The following TPD52L1 variants were observed in gnomAD, a reference collection of about 807,000 sequenced individuals.
The protein encoded by TPD52L1 is tumor protein D53.
Under a neutral mutation model 28.7 loss-of-function variants are expected in TPD52L1, and 18 were observed. The ratio of observed to expected loss-of-function variants is 0.63; its 90% CI spans 0.43 to 0.93. TPD52L1 has a LOEUF of 0.93. Among genes scored for constraint, TPD52L1 ranks in the 40% least tolerant of loss-of-function variants. The probability of loss-of-function intolerance (pLI) is 0.00; values close to 1 mark genes in which losing one functional copy is unlikely to be tolerated. For missense variants in TPD52L1, 203 were observed against 254.8 expected (o/e 0.80, Z 1.39); for synonymous variants, 75 against 88.8 (o/e 0.84, Z 0.88).
chr6:125,196,971 C>T (rs780027117), intron 1 of TPD52L1, among the ~76,000 whole-genome samples: 1 of 152,222 alleles, frequency 6.6e-6, no homozygotes, highest in Non-Finnish European at 1.5e-5. Flanking sequence ...GACATCTGGC[C>T]GGATCTGTGC....
intron 1 of TPD52L1, among the ~76,000 whole-genome samples, chr6:125,208,472 T>C (rs1292832806): frequency 6.6e-6 from 1 of 151,886 alleles, no homozygotes; most frequent in East Asian, 1.9e-4. Flanking sequence ...CAGAAGGGAT[T>C]GGTGGAGGAG....
intron 1 of TPD52L1, among the ~76,000 whole-genome samples, chr6:125,189,715 C>T (rs1363041374): frequency 6.6e-6 from 1 of 152,074 alleles, no homozygotes; most frequent in Non-Finnish European, 1.5e-5. Flanking sequence ...TTTCCATGAG[C>T]CTCCTTTCAC....
chr6:125,159,338 AACCACT>A (rs1431585688), intron 1 of TPD52L1, among the ~76,000 whole-genome samples: 4 of 152,218 alleles, frequency 2.6e-5, no homozygotes, highest in African/African-American at 9.6e-5. Flanking sequence ...CATCTCAAGA[AACCACT>A]CTTTGCTCAT....
chr6:125,161,668 G>C (rs2114741075), intron 1 of TPD52L1, among the ~76,000 whole-genome samples: 1 of 152,322 alleles, frequency 6.6e-6, no homozygotes, highest in South Asian at 2.1e-4. Flanking sequence ...GGCTGGTGGA[G>C]CAGTCAGAAC....
At chr6:125,239,137 A>AT (rs893503822) in intron 3 of TPD52L1, among the ~76,000 whole-genome samples, 11 of 151,788 alleles carry the variant, frequency 7.2e-5, no homozygotes, top group Non-Finnish European at 1.2e-4. Context: ...GCCAATGTCT[A>AT]TTTTTTTTAA....
Position 125,194,314 on chromosome 6 carries a change from G to C in TPD52L1, c.20-25764G>C, listed in dbSNP as rs566556701. On this transcript the variant is annotated intron_variant, in intron 1 of 6. Coordinates refer to ENST00000534000, the MANE Select transcript of TPD52L1 (RefSeq NM_003287.4). ...AGCATTACTGAGCTTTCTGTTTAAA[G>C]GTTAAGGCCGTTTATAACTCAACAA... Among the ~76,000 whole-genome samples the C allele has an allele frequency of 9.9e-5, 15 of 152,190 alleles. No individual in the cohort carries two copies. The South Asian group carries it at 3.1e-3, about 32-fold the overall frequency.
At chr6:125,166,201 C>A (rs936275968) in intron 1 of TPD52L1, among the ~76,000 whole-genome samples, 1 of 152,182 alleles carries the variant, frequency 6.6e-6, no homozygotes, top group Admixed American at 6.5e-5. Flanking sequence ...GAGATCTCTT[C>A]AGATCTCTCA....
intron 2 of TPD52L1, 113 bp from the exon 3 acceptor site, chr6:125,229,005 G>A: frequency 9.1e-7 from 1 of 1,103,504 alleles, no homozygotes; most frequent in South Asian, 1.7e-5. Context: ...ACCTACACAT[G>A]GGATTGTATA....
Position 125,226,728 on chromosome 6 carries a change from C to A in TPD52L1, c.136-2390C>A, listed in dbSNP as rs3799742. Among the ~76,000 whole-genome samples, 8 of 150,084 alleles carry A rather than the reference C, an allele frequency of 5.3e-5. No individual in the cohort carries two copies. The East Asian group carries it at 9.8e-4, about 18-fold the overall frequency. ...TTCAGTCACTCTAAATGAAAGAAAG[C>A]AGAAATGGCCTTTTTAATAGAGAAT... is the stretch of plus-strand genomic sequence containing the variant. On this transcript the variant is annotated intron_variant, in intron 2 of 6. Coordinates refer to ENST00000534000, the MANE Select transcript of TPD52L1 (RefSeq NM_003287.4).
chr6:125,199,692 A>G (rs1211542284), intron 1 of TPD52L1, among the ~76,000 whole-genome samples: 1 of 152,258 alleles, frequency 6.6e-6, no homozygotes, highest in Admixed American at 6.5e-5. Flanking sequence ...TCTCAAAAAA[A>G]ATCAAAATAA....
At chr6:125,180,175 A>G (rs1274765033) in intron 1 of TPD52L1, among the ~76,000 whole-genome samples, 1 of 152,118 alleles carries the variant, frequency 6.6e-6, no homozygotes, top group Non-Finnish European at 1.5e-5. Flanking sequence ...CAAATGTCTC[A>G]CTTTCCCTCT....
intron 1 of TPD52L1, among the ~76,000 whole-genome samples, chr6:125,203,232 A>G (rs1282090357): frequency 6.6e-6 from 1 of 152,124 alleles, no homozygotes; most frequent in Non-Finnish European, 1.5e-5. Context: ...CTCATACACT[A>G]TGGGAGTTTG....
chr6:125,259,683 A>G (rs968585258), intron 6 of TPD52L1, among the ~76,000 whole-genome samples: 1 of 152,212 alleles, frequency 6.6e-6, no homozygotes, highest in Non-Finnish European at 1.5e-5. Flanking sequence ...TTTGATAAAT[A>G]CATTATATGG....
At chr6:125,210,666 T>TTC (rs1435773578) in intron 1 of TPD52L1, among the ~76,000 whole-genome samples, 5 of 152,260 alleles carry the variant, frequency 3.3e-5, no homozygotes, top group Non-Finnish European at 7.3e-5. Context: ...CTGTTCTTTC[T>TTC]TCTATAGGGC....
intron 1 of TPD52L1, among the ~76,000 whole-genome samples, chr6:125,198,111 A>T (rs1448733945): frequency 1.3e-5 from 2 of 152,080 alleles, no homozygotes; most frequent in Non-Finnish European, 2.9e-5. Context: ...GTGATCTTGA[A>T]CTCTGCTTTG....
intron 3 of TPD52L1, among the ~76,000 whole-genome samples, chr6:125,240,053 A>G (rs887947583): frequency 7.2e-5 from 11 of 152,030 alleles, no homozygotes; most frequent in African/African-American, 1.2e-4. Context: ...TGACTTTCCA[A>G]TTATCCCAGT....
At chr6:125,214,270 A>C (rs750033457) in intron 1 of TPD52L1, among the ~76,000 whole-genome samples, 25 of 152,160 alleles carry the variant, frequency 1.6e-4, no homozygotes, top group Non-Finnish European at 3.4e-4. Flanking sequence ...AGGAGGGTAG[A>C]GAGTGGGTCT....
chr6:125,180,893 T>G (rs1023531539), intron 1 of TPD52L1, among the ~76,000 whole-genome samples: 9 of 150,606 alleles, frequency 6.0e-5, no homozygotes, highest in Non-Finnish European at 8.8e-5. Flanking sequence ...ATCATAGGTC[T>G]TTATGTTTGC....
intron 3 of TPD52L1, among the ~76,000 whole-genome samples, chr6:125,230,722 T>A (rs2114990780): frequency 6.6e-6 from 1 of 152,304 alleles, no homozygotes; most frequent in South Asian, 2.1e-4. Context: ...AGAATGAGAA[T>A]GTTTTTCTCC....
Sources: gnomAD v4.1 joint callset for allele counts (sites outside exome capture counted in the v4.1 genomes callset) on GRCh38, gnomAD v4.1.1 for gene constraint, MANE v1.5 for transcripts, NCBI Gene and HGNC (gene_info 2026-07-23, HGNC 2026-07-21) for gene names.